CERT1: variants seen among roughly 807,000 people sequenced by gnomAD.
The protein encoded by CERT1 is ceramide transfer protein.
A neutral mutation model predicts 87.9 loss-of-function variants in CERT1; 31 were observed. That is an observed-to-expected ratio of 0.35 (90% CI 0.27 to 0.48). The LOEUF (loss-of-function observed/expected upper bound fraction) is 0.48, where lower values mean the gene tolerates loss of function less well. Ranked by LOEUF, CERT1 falls within the 20% of genes least tolerant of loss-of-function variation. CERT1 has a pLI of 0.99. For missense variants in CERT1, 487 were observed against 758.0 expected (o/e 0.64, Z 4.20); for synonymous variants, 289 against 250.9 (o/e 1.15, Z -1.44).
intron 2 of CERT1, among the ~76,000 whole-genome samples, chr5:75,496,731 T>C (rs1388859165): frequency 6.6e-6 from 1 of 152,218 alleles, no homozygotes; most frequent in Non-Finnish European, 1.5e-5. Flanking sequence ...AGATGCATAC[T>C]GCATGATTCC....
chr5:75,412,797 G>A (rs1007044731), intron 7 of CERT1, among the ~76,000 whole-genome samples: 1 of 152,084 alleles, frequency 6.6e-6, no homozygotes, highest in Non-Finnish European at 1.5e-5. Context: ...AGTTCCTCAG[G>A]GTGAGTGAGT....
At chr5:75,394,142 T>C (rs1346587594) in intron 11 of CERT1, among the ~76,000 whole-genome samples, 2 of 152,174 alleles carry the variant, frequency 1.3e-5, no homozygotes, top group African/African-American at 4.8e-5. Context: ...TAATATTCAG[T>C]GCTACTATAT....
At chr5:75,416,839 T>A (rs1237324044) in intron 7 of CERT1, 37 bp downstream of exon 7, 1 of 1,522,098 alleles carries the variant, frequency 6.6e-7, no homozygotes, top group East Asian at 2.3e-5. Context: ...AAAACTTAAA[T>A]GTGATTATTT....
intron 3 of CERT1, among the ~76,000 whole-genome samples, chr5:75,437,712 G>A (rs1764153013): frequency 6.7e-6 from 1 of 149,676 alleles, no homozygotes; most frequent in Non-Finnish European, 1.5e-5. Flanking sequence ...GTTGCAGTAA[G>A]CTGGGATTGT....
chr5:75,438,983 G>C (rs1161593363), intron 3 of CERT1, among the ~76,000 whole-genome samples: 1 of 148,724 alleles, frequency 6.7e-6, no homozygotes, highest in Non-Finnish European at 1.5e-5. Context: ...ACAATCTTTT[G>C]GCCACTAGAG....
At chr5:75,385,551 G>A (rs1243958413) in intron 13 of CERT1, among the ~76,000 whole-genome samples, 1 of 152,198 alleles carries the variant, frequency 6.6e-6, no homozygotes, top group African/African-American at 2.4e-5. Context: ...GGAAAGAGTA[G>A]ATGATGAAAC....
rs761491038 is a variant in CERT1 at position 75,489,539 on chromosome 5, AC to A, written c.231+16442del. On this transcript the variant is annotated intron_variant, in intron 2 of 16. Transcript: ENST00000643780. ...TATGCAGAATCTACAAGGAACTTAA[AC>A]AGATTTATAAGAAAAAAAATCAAAA... Among the ~76,000 whole-genome samples, 11 of 152,342 alleles carry A rather than the reference AC, an allele frequency of 7.2e-5. No homozygotes were observed. The East Asian group carries it at 2.1e-3, about 29-fold the overall frequency.
intron 2 of CERT1, among the ~76,000 whole-genome samples, chr5:75,466,798 G>C (rs985305464): frequency 6.6e-6 from 1 of 152,206 alleles, no homozygotes; most frequent in Non-Finnish European, 1.5e-5. Context: ...TGTTGCTGTA[G>C]TCTAAGAATT....
intron 3 of CERT1, among the ~76,000 whole-genome samples, chr5:75,443,206 C>T (rs1195190354): frequency 1.3e-5 from 2 of 152,060 alleles, no homozygotes; most frequent in South Asian, 2.1e-4. Flanking sequence ...TTTCTATTCT[C>T]GTTTTGTTGA....
At chr5:75,457,066 T>C (rs1765015423) in intron 3 of CERT1, among the ~76,000 whole-genome samples, 1 of 152,232 alleles carries the variant, frequency 6.6e-6, no homozygotes, top group Admixed American at 6.5e-5. Context: ...TTAATTCTAC[T>C]TAATAACATC....
In CERT1 at chr5:75,459,252, A is replaced by C. The variant is rs1765128001; in HGVS notation, c.232-71T>G. The C allele has an allele frequency of 6.0e-6, 5 of 828,446 alleles. No homozygotes were observed. The South Asian group carries it at 7.1e-5, about 12-fold the overall frequency. 51.3% of individuals were successfully genotyped at this position (828,446 alleles called of 1,614,324 possible). ...TTAGAAGTGTTACACCCCAAAGCCAAAACATGAACATACTCATTCTGTGCT... is the reference window on the plus strand; with the variant it reads ...TTAGAAGTGTTACACCCCAAAGCCACAACATGAACATACTCATTCTGTGCT... On this transcript the variant is annotated intron_variant, in intron 2 of 16. Transcript: ENST00000643780.
At chr5:75,415,776 T>G (rs1763109856) in intron 7 of CERT1, among the ~76,000 whole-genome samples, 1 of 152,128 alleles carries the variant, frequency 6.6e-6, no homozygotes, top group Non-Finnish European at 1.5e-5. Flanking sequence ...GTTTTTTTTT[T>G]GTGAACAGGG....
At chr5:75,494,951 GAGA>G (rs1438934374) in intron 2 of CERT1, among the ~76,000 whole-genome samples, 1 of 152,130 alleles carries the variant, frequency 6.6e-6, no homozygotes, top group Non-Finnish European at 1.5e-5. Flanking sequence ...TTCACAACAG[GAGA>G]CAACCTTACT....
intron 7 of CERT1, among the ~76,000 whole-genome samples, chr5:75,416,188 T>G (rs954693734): frequency 6.6e-6 from 1 of 152,202 alleles, no homozygotes; most frequent in African/African-American, 2.4e-5. Context: ...CTTTTCACCT[T>G]TTGACAAGCC....
chr5:75,378,926 C>T lies in CERT1; in HGVS notation c.*420G>A, dbSNP rs1205633691. On this transcript the variant is annotated 3_prime_UTR_variant, in exon 17 of 17. Coordinates refer to ENST00000643780, the MANE Select transcript of CERT1 (RefSeq NM_001379029.1). Reference sequence around the variant, plus strand: ...AGGCACGGTGGCTCATGTCTGTAATCCCAGCACTTTGGGAGGCTGAGGCAG... The same window carrying T: ...AGGCACGGTGGCTCATGTCTGTAATTCCAGCACTTTGGGAGGCTGAGGCAG... The T allele has an allele frequency of 6.5e-6, 1 of 154,556 alleles. No individual in the cohort carries two copies. The highest frequency in any genetic ancestry group is 1.4e-5 in the Non-Finnish European group (1 of 69,666). 9.6% of individuals were successfully genotyped at this position (154,556 alleles called of 1,614,324 possible).
chr5:75,387,164 C>A (rs952650876), intron 12 of CERT1, among the ~76,000 whole-genome samples: 1 of 152,040 alleles, frequency 6.6e-6, no homozygotes, highest in African/African-American at 2.4e-5. Context: ...CCACTGCCAC[C>A]AGTCAAAAAC....
chr5:75,435,484 G>A (rs1057333173), intron 3 of CERT1, among the ~76,000 whole-genome samples: 9 of 152,198 alleles, frequency 5.9e-5, no homozygotes, highest in Admixed American at 2.6e-4. Flanking sequence ...GTAATTTGGA[G>A]GTTAGCAGAC....
At chr5:75,460,191 C>T (rs1765167480) in intron 2 of CERT1, among the ~76,000 whole-genome samples, 1 of 151,946 alleles carries the variant, frequency 6.6e-6, no homozygotes, top group East Asian at 1.9e-4. Flanking sequence ...AAAGTAAATG[C>T]CCATTAATAA....
At chr5:75,388,612 A>ATATATATATC (rs1761903176) in intron 12 of CERT1, among the ~76,000 whole-genome samples, 1 of 74,314 alleles carries the variant, frequency 1.3e-5, no homozygotes, top group African/African-American at 1.0e-4. Flanking sequence ...ATATATATAT[A>ATATATATATC]TATATATATA....
Sources: allele counts gnomAD v4.1 joint callset (sites outside exome capture counted in the v4.1 genomes callset), GRCh38; gene constraint gnomAD v4.1.1; transcripts MANE v1.5; gene names NCBI Gene and HGNC (gene_info 2026-07-23, HGNC 2026-07-21).